Variants in TMCC1 observed in about 807,000 individuals in gnomAD.
TMCC1 encodes transmembrane and coiled-coil domain family 1.
TMCC1 carries 15 observed loss-of-function variants against 52.4 expected under a neutral mutation model. That is an observed-to-expected ratio of 0.29 (90% CI 0.19 to 0.44). The LOEUF is 0.44. Ranked by LOEUF, TMCC1 falls within the 20% of genes least tolerant of loss-of-function variation. The probability of loss-of-function intolerance (pLI) is 1.00; values close to 1 mark genes in which losing one functional copy is unlikely to be tolerated. For missense variants in TMCC1, 503 were observed against 806.0 expected (o/e 0.62, Z 4.55); for synonymous variants, 279 against 301.9 (o/e 0.92, Z 0.79).
chr3:129,884,744 T>C (rs1338361810), intron 1 of TMCC1, among the ~76,000 whole-genome samples: 1 of 152,250 alleles, frequency 6.6e-6, no homozygotes, highest in African/African-American at 2.4e-5. Context: ...TTTGAAGGGC[T>C]TGCCTACAGA....
rs75117337 is a variant in TMCC1 at position 129,781,749 on chromosome 3, C to T, written c.576+46054G>A. On this transcript the variant is annotated intron_variant, in intron 4 of 6. Transcript: ENST00000393238. ...GGAAGGCACTGGAGGGTTTTGATCACGGGAATAACGTCATTTGGATTAAGT... is the reference window on the plus strand; with the variant it reads ...GGAAGGCACTGGAGGGTTTTGATCATGGGAATAACGTCATTTGGATTAAGT... 9.7e-4 allele frequency among the ~76,000 whole-genome samples: 147 copies of T among 152,128 alleles called. No homozygotes were observed. In the East Asian group the frequency reaches 0.025, roughly 26 times the overall value.
At chr3:129,759,957 G>A (rs1486538769) in intron 4 of TMCC1, among the ~76,000 whole-genome samples, 3 of 151,542 alleles carry the variant, frequency 2.0e-5, no homozygotes, top group Non-Finnish European at 2.9e-5. Context: ...TCCTGACCTC[G>A]TGATCCACCC....
chr3:129,791,369 A>C (rs1422169320), intron 4 of TMCC1, among the ~76,000 whole-genome samples: 2 of 152,142 alleles, frequency 1.3e-5, no homozygotes, highest in East Asian at 3.9e-4. Context: ...CTGGGATTAC[A>C]GATATGAGTC....
chr3:129,714,789 T>G (rs1001491592), intron 4 of TMCC1, among the ~76,000 whole-genome samples: 14 of 152,238 alleles, frequency 9.2e-5, no homozygotes, highest in South Asian at 2.1e-4. Context: ...AAGTTTCCAC[T>G]GAACATAAAA....
At chr3:129,661,136 G>A in intron 5 of TMCC1, among the ~76,000 whole-genome samples, 1 of 152,226 alleles carries the variant, frequency 6.6e-6, no homozygotes. Flanking sequence ...ATTGTTCACA[G>A]AGATAATGCT....
At chr3:129,780,711 C>G (rs908973990) in intron 4 of TMCC1, among the ~76,000 whole-genome samples, 3 of 152,190 alleles carry the variant, frequency 2.0e-5, no homozygotes, top group Admixed American at 6.5e-5. Context: ...TCATGTCCTT[C>G]CTACATCTTA....
At chr3:129,843,703 ACT>A (rs1167647769) in intron 2 of TMCC1, among the ~76,000 whole-genome samples, 1 of 152,046 alleles carries the variant, frequency 6.6e-6, no homozygotes, top group South Asian at 2.1e-4. Context: ...TACCTAAATA[ACT>A]CTATTGAAGA....
At chr3:129,774,040 A>C (rs932267639) in intron 4 of TMCC1, among the ~76,000 whole-genome samples, 1 of 152,256 alleles carries the variant, frequency 6.6e-6, no homozygotes, top group Non-Finnish European at 1.5e-5. Context: ...TTGGCACAAC[A>C]TAACAGTAAT....
chr3:129,664,179 A>C (rs1263619058), intron 5 of TMCC1, among the ~76,000 whole-genome samples: 3 of 152,180 alleles, frequency 2.0e-5, no homozygotes, highest in Non-Finnish European at 4.4e-5. Flanking sequence ...CAGTACCCTC[A>C]GTTTCTATTT....
At chr3:129,771,797 A>AAAAAAAG (rs60824072) in intron 4 of TMCC1, among the ~76,000 whole-genome samples, 2,539 of 86,762 alleles carry the variant, frequency 0.029, 8 homozygotes, top group Non-Finnish European at 0.048. Flanking sequence ...AAAAAAAAAA[A>AAAAAAAG]AAGAAGAAGA....
chr3:129,701,775 C>T (rs142353674), intron 4 of TMCC1, among the ~76,000 whole-genome samples: 5 of 152,164 alleles, frequency 3.3e-5, no homozygotes, highest in African/African-American at 1.2e-4. Context: ...ATGTACCACC[C>T]AGGGGACTCA....
chr3:129,833,846 A>C (rs955971704), intron 2 of TMCC1, among the ~76,000 whole-genome samples: 1 of 152,206 alleles, frequency 6.6e-6, no homozygotes, highest in Non-Finnish European at 1.5e-5. Flanking sequence ...AATTGGAAGC[A>C]CCAAAATTAA....
At position 129,828,537 on chromosome 3, in the gene TMCC1, AC is replaced by A; in HGVS notation, c.-130-30del. 2 of 652,586 alleles carry A rather than the reference AC, an allele frequency of 3.1e-6. No homozygotes were observed. The highest frequency in any genetic ancestry group is 2.5e-5 in the South Asian group (1 of 40,646). 40.4% of individuals were successfully genotyped at this position (652,586 alleles called of 1,614,324 possible). ...ATGTTAAAAACAAAAAAACAAAAAA[AC>A]AAAAAAAAAACCTTATATTATAAAT... On this transcript the variant is annotated intron_variant, in intron 3 of 6. Coordinates refer to ENST00000393238, the MANE Select transcript of TMCC1 (RefSeq NM_001017395.5). This position sits in a 1 kb window ranked among gnomAD's most constrained non-coding sequence, Gnocchi z 4.1.
intron 2 of TMCC1, among the ~76,000 whole-genome samples, chr3:129,873,025 C>T (rs1381397062): frequency 6.6e-6 from 1 of 151,746 alleles, no homozygotes; most frequent in East Asian, 1.9e-4. Flanking sequence ...TCAAGCCTCC[C>T]GAGCAGCTGG....
chr3:129,796,433 A>G (rs954859787), intron 4 of TMCC1, among the ~76,000 whole-genome samples: 2 of 152,222 alleles, frequency 1.3e-5, no homozygotes, highest in African/African-American at 4.8e-5. Context: ...AGTTTCAGGC[A>G]TCCACTGGGG....
chr3:129,810,923 GA>G (rs1417277412), intron 4 of TMCC1, among the ~76,000 whole-genome samples: 2 of 152,180 alleles, frequency 1.3e-5, no homozygotes, highest in African/African-American at 4.8e-5. Context: ...AATGTTATTG[GA>G]AAGCCTGTGG....
chr3:129,769,953 T>G (rs1283841000), intron 4 of TMCC1, among the ~76,000 whole-genome samples: 2 of 152,340 alleles, frequency 1.3e-5, no homozygotes, highest in Admixed American at 6.5e-5. Flanking sequence ...TTAAAGATAT[T>G]TCTATAAAGT....
intron 2 of TMCC1, among the ~76,000 whole-genome samples, chr3:129,839,033 T>G (rs1249694712): frequency 6.6e-6 from 1 of 151,868 alleles, no homozygotes; most frequent in Non-Finnish European, 1.5e-5. Flanking sequence ...CAAGCAAAAA[T>G]AGAGAATTCA....
chr3:129,656,115 A>G (rs1171363067), intron 5 of TMCC1, among the ~76,000 whole-genome samples: 2 of 152,264 alleles, frequency 1.3e-5, no homozygotes, highest in African/African-American at 4.8e-5. Context: ...ATGTGTTTTT[A>G]GGAAAACGAG....
Sources: gnomAD v4.1 joint callset for allele counts (sites outside exome capture counted in the v4.1 genomes callset) on GRCh38, gnomAD v4.1.1 for gene constraint, Gnocchi (gnomAD v3.1) non-coding constraint, MANE v1.5 for transcripts, NCBI Gene and HGNC (gene_info 2026-07-23, HGNC 2026-07-21) for gene names.